CMTM4: variants seen among roughly 807,000 people sequenced by gnomAD.
CMTM4 encodes CKLF-like MARVEL transmembrane domain-containing protein 4.
Under a neutral mutation model 19.0 loss-of-function variants are expected in CMTM4, and 8 were observed. The ratio of observed to expected loss-of-function variants is 0.42; its 90% confidence interval spans 0.25 to 0.76. The LOEUF is 0.76. Ranked by LOEUF, CMTM4 falls within the 30% of genes least tolerant of loss-of-function variation. CMTM4 has a pLI of 0.27. For synonymous variants in CMTM4, 106 were observed against 121.1 expected (o/e 0.88, Z 0.82); for missense variants, 228 against 290.2 (o/e 0.79, Z 1.56).
At chr16:66,624,127 C>T (rs568187229) in intron 2 of CMTM4, among the ~76,000 whole-genome samples, 3 of 152,338 alleles carry the variant, frequency 2.0e-5, no homozygotes, top group South Asian at 4.1e-4. Flanking sequence ...GTCCAAACCA[C>T]CCATATGACT....
chr16:66,608,725 G>A, the CMTM4 span, among the ~76,000 whole-genome samples: 2 of 152,128 alleles, frequency 1.3e-5, no homozygotes, highest in Non-Finnish European at 2.9e-5. This position sits in a 1 kb window ranked among gnomAD's most constrained non-coding sequence, Gnocchi z 5.1. Context: ...ACCAGGTGGC[G>A]CCGGTGCTCC....
At chr16:66,631,311 G>A (rs2015864171) in intron 2 of CMTM4, among the ~76,000 whole-genome samples, 1 of 150,810 alleles carries the variant, frequency 6.6e-6, no homozygotes, top group Non-Finnish European at 1.5e-5. Flanking sequence ...AGGGAGGTGG[G>A]GGGTCAGCCC....
At chr16:66,664,992 G>A (rs2016566283) in intron 1 of CMTM4, among the ~76,000 whole-genome samples, 1 of 151,956 alleles carries the variant, frequency 6.6e-6, no homozygotes, top group Non-Finnish European at 1.5e-5. Context: ...CTGTAGCCCT[G>A]GAGTACAGTG....
the CMTM4 span, chr16:66,609,614 C>T: frequency 2.4e-5 from 36 of 1,516,630 alleles, no homozygotes; most frequent in South Asian, 4.3e-4. The surrounding 1 kb of genome is among the most constrained non-coding windows in gnomAD (Gnocchi z 4.4). Context: ...AGAGCCTTTC[C>T]CTGCTGGGGC....
intron 1 of CMTM4, among the ~76,000 whole-genome samples, chr16:66,650,082 G>C (rs1362628298): frequency 6.6e-6 from 1 of 152,308 alleles, no homozygotes; most frequent in East Asian, 1.9e-4. Flanking sequence ...GTCAATGAGG[G>C]CTTAGGCAGC....
At chr16:66,642,683 T>G (rs995914410) in intron 1 of CMTM4, among the ~76,000 whole-genome samples, 1 of 152,134 alleles carries the variant, frequency 6.6e-6, no homozygotes, top group Admixed American at 6.5e-5. Flanking sequence ...GCCACTGCAC[T>G]CCAGCCTGGG....
chr16:66,688,228 A>C (rs1359218781), intron 1 of CMTM4, among the ~76,000 whole-genome samples: 1 of 152,008 alleles, frequency 6.6e-6, no homozygotes, highest in Non-Finnish European at 1.5e-5. Flanking sequence ...AAAAGGCTCC[A>C]CCTCTTAATA....
chr16:66,687,788 C>T lies in CMTM4; in HGVS notation c.186+8552G>A, dbSNP rs866481046. Among the ~76,000 whole-genome samples the T allele has an allele frequency of 1.7e-4, 25 of 150,448 alleles. No homozygotes were observed. The South Asian group carries it at 4.6e-3, about 28-fold the overall frequency. ...CTGCAAGCTCCGCCTCCTGGGTTCA[C>T]GCTATTCTCCTGCCTCAGCCTCCTG... On this transcript the variant is annotated intron_variant, in intron 1 of 3. Coordinates refer to ENST00000394106, the MANE Select transcript of CMTM4 (RefSeq NM_181521.3).
intron 1 of CMTM4, among the ~76,000 whole-genome samples, chr16:66,656,256 G>A (rs1014716713): frequency 6.6e-6 from 1 of 152,160 alleles, no homozygotes; most frequent in Admixed American, 6.5e-5. Context: ...AATATAGCAG[G>A]AATGGTGGAT....
downstream of CMTM4, chr16:66,613,298 C>T: frequency 1.7e-6 from 1 of 605,694 alleles, no homozygotes; most frequent in Non-Finnish European, 3.0e-6. Flanking sequence ...GGGTCTAAGA[C>T]TGTTTCAAAG....
chr16:66,695,609 G>C (rs762466448), intron 1 of CMTM4, among the ~76,000 whole-genome samples: 120 of 152,282 alleles, frequency 7.9e-4, no homozygotes, highest in Non-Finnish European at 7.9e-4. Flanking sequence ...TGAGAAATGA[G>C]CTCTACTACA....
At chr16:66,629,314 T>C (rs2015804295) in intron 2 of CMTM4, among the ~76,000 whole-genome samples, 1 of 152,216 alleles carries the variant, frequency 6.6e-6, no homozygotes, top group Non-Finnish European at 1.5e-5. Context: ...CACTCACTTG[T>C]GCTTGAATGG....
At chr16:66,635,941 A>AC (rs1012551600) in intron 2 of CMTM4, among the ~76,000 whole-genome samples, 7 of 150,372 alleles carry the variant, frequency 4.7e-5, no homozygotes, top group South Asian at 2.1e-4. Context: ...AAACCACCAA[A>AC]CCCCCCCAGG....
chr16:66,675,828 T>G (rs1391432322), intron 1 of CMTM4, among the ~76,000 whole-genome samples: 2 of 152,146 alleles, frequency 1.3e-5, no homozygotes, highest in African/African-American at 2.4e-5. Context: ...TTTCCCCAGT[T>G]CCAGCTCTAA....
intron 1 of CMTM4, among the ~76,000 whole-genome samples, chr16:66,661,457 A>G (rs779317059): frequency 6.6e-6 from 1 of 152,220 alleles, no homozygotes; most frequent in African/African-American, 2.4e-5. Context: ...TTTAGTGGGA[A>G]GTAGAGCTAA....
chr16:66,636,451 C>A lies in CMTM4; in HGVS notation c.317G>T (p.Ser106Ile). 1 of 1,614,080 alleles carries A rather than the reference C, an allele frequency of 6.2e-7. No homozygotes were observed. Among genetic ancestry groups the A allele is most frequent in the Non-Finnish European group, 8.5e-7 (1 of 1,180,020 alleles). The change falls in exon 2 of 4, where the codon AGT (serine) becomes ATT (isoleucine). Residue 106 changes from serine to isoleucine, a missense_variant. Ser to Ile is a moderately radical substitution (Grantham distance 142). This residue lies in a region of CMTM4 where 200 missense variants were observed against 226.6 expected (regional missense o/e 0.88). Transcript: ENST00000394106. ...GGGGATCCTCATGTGCAGGTTGAGA[C>A]TGAACATAATCAGCAAGACGCCAGT... Reference protein sequence around the residue: ...VVTGVLLIMFSLNLHMRIPQI... With the variant: ...VVTGVLLIMFILNLHMRIPQI...
At chr16:66,687,925 G>A (rs1435041579) in intron 1 of CMTM4, among the ~76,000 whole-genome samples, 2 of 151,992 alleles carry the variant, frequency 1.3e-5, no homozygotes, top group Non-Finnish European at 2.9e-5. Flanking sequence ...CTGACCTTGT[G>A]ATCTGCCCGC....
the CMTM4 span, chr16:66,609,511 G>A: frequency 6.2e-7 from 1 of 1,605,876 alleles, no homozygotes; most frequent in Non-Finnish European, 8.5e-7. The surrounding 1 kb of genome is among the most constrained non-coding windows in gnomAD (Gnocchi z 4.4). Flanking sequence ...TACTCGGATG[G>A]GGCTTCCAAA....
Position 66,619,533 on chromosome 16 carries a change from A to G in CMTM4, c.*2525T>C, listed in dbSNP as rs2015590322. The G allele has an allele frequency of 6.1e-6, 6 of 985,316 alleles. No individual in the cohort carries two copies. The highest frequency in any genetic ancestry group is 1.1e-4 in the East Asian group (1 of 8,812). 61.0% of individuals were successfully genotyped at this position (985,316 alleles called of 1,614,324 possible). ...ATTAAACGCAAAAACGCTTCCTTCA[A>G]TTTGCCAAGAGGTCATTTTAAGGCC... On this transcript the variant is annotated 3_prime_UTR_variant, in exon 4 of 4. Coordinates refer to ENST00000394106, the MANE Select transcript of CMTM4 (RefSeq NM_181521.3).
Sources: gnomAD v4.1 joint callset for allele counts (sites outside exome capture counted in the v4.1 genomes callset) on GRCh38, gnomAD v4.1.1 for gene constraint, gnomAD v4.1.1 regional missense constraint, Gnocchi (gnomAD v3.1) non-coding constraint, MANE v1.5 for transcripts, NCBI Gene and HGNC (gene_info 2026-07-23, HGNC 2026-07-21) for gene names.